The following CDH2 variants were observed in gnomAD, a reference collection of about 807,000 sequenced individuals.
CDH2 encodes cadherin-2.
CDH2 carries 17 observed loss-of-function variants against 92.0 expected under a neutral mutation model. The observed-to-expected ratio is 0.18, with a 90% CI of 0.13 to 0.28. The LOEUF is 0.28. Among genes scored for constraint, CDH2 ranks in the 10% least tolerant of loss-of-function variants. The pLI is 1.00. For missense variants in CDH2, 862 were observed against 1,133.1 expected, an observed-to-expected ratio of 0.76 and a Z score of 3.44; for synonymous variants, 419 against 415.9, an observed-to-expected ratio of 1.01 and a Z score of -0.09.
At chr18:28,088,769 T>C (rs1411866749) in intron 2 of CDH2, among the ~76,000 whole-genome samples, 2 of 152,106 alleles carry the variant, frequency 1.3e-5, no homozygotes, top group Admixed American at 6.5e-5. Context: ...GTTGCTAAAC[T>C]GGGGGCCTTC....
At chr18:27,959,036 G>A (rs575238073) in intron 15 of CDH2, among the ~76,000 whole-genome samples, 408 of 152,134 alleles carry the variant, frequency 2.7e-3, no homozygotes, top group African/African-American at 9.2e-3. Flanking sequence ...CGTGAAAACA[G>A]AAAAATACAC....
intron 6 of CDH2, among the ~76,000 whole-genome samples, chr18:27,944,368 C>G (rs1909215951): frequency 6.6e-6 from 1 of 152,114 alleles, no homozygotes; most frequent in Non-Finnish European, 1.5e-5. Context: ...AAGCTGACAT[C>G]CATTTCATAA....
At chr18:28,130,174 A>G (rs1192682513) in intron 2 of CDH2, among the ~76,000 whole-genome samples, 1 of 152,200 alleles carries the variant, frequency 6.6e-6, no homozygotes, top group East Asian at 1.9e-4. Flanking sequence ...CATCGTGATC[A>G]TTTTGTAGTT....
chr18:28,163,431 C>T (rs2016334968), intron 1 of CDH2, among the ~76,000 whole-genome samples: 1 of 152,230 alleles, frequency 6.6e-6, no homozygotes, highest in South Asian at 2.1e-4. Flanking sequence ...TCAGGCTCTA[C>T]TGTAGGCTTA....
intron 2 of CDH2, among the ~76,000 whole-genome samples, chr18:28,140,063 A>T (rs1485224030): frequency 3.3e-5 from 5 of 151,920 alleles, no homozygotes; most frequent in Non-Finnish European, 7.4e-5. Flanking sequence ...TCTCCCACAT[A>T]CACATTCAGT....
intron 1 of CDH2, among the ~76,000 whole-genome samples, chr18:28,163,308 C>G (rs998811521): frequency 6.6e-6 from 1 of 152,186 alleles, no homozygotes; most frequent in Non-Finnish European, 1.5e-5. Flanking sequence ...CTTGCATTAG[C>G]TGGTAATGAT....
chr18:28,085,949 T>A (rs1472666334), intron 2 of CDH2, among the ~76,000 whole-genome samples: 1 of 152,180 alleles, frequency 6.6e-6, no homozygotes, highest in Non-Finnish European at 1.5e-5. Context: ...ACTGTACCCA[T>A]CTTCTCTAAA....
intron 1 of CDH2, among the ~76,000 whole-genome samples, chr18:28,163,109 C>T (rs1568023270): frequency 6.6e-6 from 1 of 152,144 alleles, no homozygotes; most frequent in Non-Finnish European, 1.5e-5. Flanking sequence ...CACTTCAAGG[C>T]AAACCAAAAG....
intron 2 of CDH2, among the ~76,000 whole-genome samples, chr18:28,077,371 C>T (rs1474814401): frequency 1.3e-5 from 2 of 152,052 alleles, no homozygotes; most frequent in African/African-American, 4.8e-5. Flanking sequence ...GAAGATGTTA[C>T]CGGATCAGAA....
At chr18:28,115,950 T>G (rs572505833) in intron 2 of CDH2, among the ~76,000 whole-genome samples, 5 of 152,260 alleles carry the variant, frequency 3.3e-5, no homozygotes, top group Non-Finnish European at 5.9e-5. Flanking sequence ...CAAACATTTT[T>G]CTATGTTAAA....
intron 1 of CDH2, among the ~76,000 whole-genome samples, chr18:28,162,919 A>C (rs544387887): frequency 1.2e-4 from 18 of 152,346 alleles, no homozygotes; most frequent in African/African-American, 4.3e-4. Flanking sequence ...CCTGGCTCAT[A>C]GTAAGCACTC....
chr18:27,988,415 A>G, intron 11 of CDH2, 109 bp downstream of exon 11: 1 of 887,988 alleles, frequency 1.1e-6, no homozygotes, highest in Non-Finnish European at 1.7e-6. Context: ...GGAATTATAA[A>G]AGTCAGTTTT....
intron 14 of CDH2, among the ~76,000 whole-genome samples, chr18:27,970,963 C>T (rs919085558): frequency 3.9e-5 from 6 of 152,058 alleles, no homozygotes; most frequent in Middle Eastern, 3.2e-3. Context: ...GTAGGCTGGG[C>T]GCGGTGGCTT....
At chr18:28,151,367 A>C (rs2016118746) in intron 1 of CDH2, among the ~76,000 whole-genome samples, 1 of 152,142 alleles carries the variant, frequency 6.6e-6, no homozygotes, top group South Asian at 2.1e-4. Context: ...GGTTTCTGGC[A>C]TTTTCTCTTT....
intron 2 of CDH2, among the ~76,000 whole-genome samples, chr18:28,081,820 C>G (rs986491321): frequency 6.6e-6 from 1 of 152,076 alleles, no homozygotes; most frequent in East Asian, 1.9e-4. Context: ...TATAAGTTAG[C>G]ATTAAGGTAA....
At chr18:28,092,323 T>C (rs554349947) in intron 2 of CDH2, among the ~76,000 whole-genome samples, 1 of 152,258 alleles carries the variant, frequency 6.6e-6, no homozygotes, top group African/African-American at 2.4e-5. Context: ...TCAGTACTAA[T>C]ACAGGTCTCA....
At chr18:28,078,489 C>T (rs1282514878) in intron 2 of CDH2, among the ~76,000 whole-genome samples, 1 of 152,082 alleles carries the variant, frequency 6.6e-6, no homozygotes, top group African/African-American at 2.4e-5. Context: ...CATTAGGATA[C>T]TGAGGCGATG....
chr18:28,100,789 A>G (rs1161833858), intron 2 of CDH2, among the ~76,000 whole-genome samples: 2 of 152,224 alleles, frequency 1.3e-5, no homozygotes, highest in East Asian at 3.9e-4. Flanking sequence ...GAACTTAAAG[A>G]AACGAATTAA....
chr18:28,173,553 T>C (rs2144374576), intron 1 of CDH2, among the ~76,000 whole-genome samples: 1 of 152,278 alleles, frequency 6.6e-6, no homozygotes, highest in South Asian at 2.1e-4. Flanking sequence ...TTAATTTCTT[T>C]AAAATCTGTA....
Sources: gnomAD v4.1 joint callset for allele counts (sites outside exome capture counted in the v4.1 genomes callset) on GRCh38, gnomAD v4.1.1 for gene constraint, MANE v1.5 for transcripts, NCBI Gene and HGNC (gene_info 2026-07-23, HGNC 2026-07-21) for gene names.